SNX9: variants seen among roughly 807,000 people sequenced by gnomAD.
SNX9 encodes sorting nexin 9.
Under a neutral mutation model 89.4 loss-of-function variants are expected in SNX9, and 44 were observed. That is an observed-to-expected ratio of 0.49 (90% CI 0.39 to 0.63). The LOEUF is 0.63. Ranked by LOEUF, SNX9 falls within the 30% of genes least tolerant of loss-of-function variation. SNX9 has a pLI of 0.00. For missense variants in SNX9, 578 were observed against 736.1 expected (o/e 0.79, Z 2.49); for synonymous variants, 236 against 247.8 (o/e 0.95, Z 0.45).
chr6:157,825,875 A>T (rs931913424), intron 1 of SNX9, among the ~76,000 whole-genome samples: 15 of 152,230 alleles, frequency 9.9e-5, no homozygotes, highest in Non-Finnish European at 2.1e-4. Flanking sequence ...GTCTTCTTCA[A>T]GGGGTGGGGA....
chr6:157,904,124 T>C (rs1452727290), intron 6 of SNX9, among the ~76,000 whole-genome samples: 1 of 152,180 alleles, frequency 6.6e-6, no homozygotes, highest in Non-Finnish European at 1.5e-5. Context: ...TGAAATTAAA[T>C]ATACTTGAGC....
In SNX9 at chr6:157,943,704, G is replaced by A. The variant is rs1037400140; in HGVS notation, c.*866G>A. On this transcript the variant is annotated 3_prime_UTR_variant, in exon 18 of 18. Coordinates refer to ENST00000392185, the MANE Select transcript of SNX9 (RefSeq NM_016224.5). ...TCCAACGGGTGAGTGGCTGTGCGGA[G>A]GCCTGTGTTCGGGAGGGCCTGGGAG... 1 of 152,610 alleles carries A rather than the reference G, an allele frequency of 6.6e-6. No individual in the cohort carries two copies. The highest frequency in any genetic ancestry group is 1.5e-5 in the Non-Finnish European group (1 of 68,352). The allele number at this position is 152,610 out of a possible 1,614,324, so 9.5% of individuals were successfully genotyped here. A position where few individuals can be genotyped will look rare whatever the true frequency, so the allele number is the denominator to read the frequency against.
chr6:157,916,329 C>T (rs112781647), intron 9 of SNX9, among the ~76,000 whole-genome samples: 2,296 of 152,246 alleles, frequency 0.015, 64 homozygotes, highest in African/African-American at 0.052. Context: ...CCACCGTGCC[C>T]GGCCCTCTTT....
intron 2 of SNX9, among the ~76,000 whole-genome samples, chr6:157,871,410 G>C (rs1035932950): frequency 5.9e-5 from 9 of 151,982 alleles, no homozygotes; most frequent in African/African-American, 1.7e-4. Flanking sequence ...GGTAGAAAAA[G>C]ATTATGTAGT....
intron 1 of SNX9, among the ~76,000 whole-genome samples, chr6:157,843,052 T>C (rs550888033): frequency 6.6e-6 from 1 of 152,144 alleles, no homozygotes; most frequent in East Asian, 1.9e-4. Context: ...ACAAGCAAGA[T>C]AGAGTTGGTT....
intron 1 of SNX9, among the ~76,000 whole-genome samples, chr6:157,836,338 CA>C (rs1245538300): frequency 2.6e-5 from 4 of 152,144 alleles, no homozygotes; most frequent in African/African-American, 9.7e-5. Flanking sequence ...ATTTTTTTCT[CA>C]AACTCCCCTC....
At chr6:157,866,576 AAAAT>A (rs1281519996) in intron 1 of SNX9, among the ~76,000 whole-genome samples, 2 of 152,168 alleles carry the variant, frequency 1.3e-5, no homozygotes, top group Admixed American at 6.5e-5. Flanking sequence ...TCTGTCTGGA[AAAAT>A]AAATAAATAA....
chr6:157,910,240 A>G (rs147657692), intron 9 of SNX9, among the ~76,000 whole-genome samples: 10 of 152,360 alleles, frequency 6.6e-5, no homozygotes, highest in African/African-American at 2.4e-4. Flanking sequence ...TTTAATGTGC[A>G]AATCACAGGT....
At chr6:157,887,538 G>T (rs1218639663) in intron 4 of SNX9, among the ~76,000 whole-genome samples, 1 of 152,090 alleles carries the variant, frequency 6.6e-6, no homozygotes, top group Non-Finnish European at 1.5e-5. Context: ...TTCCATGCCT[G>T]CTCCGTGTCC....
At position 157,908,287 on chromosome 6, in the gene SNX9, T is replaced by G. The variant is rs1477648921; in HGVS notation, c.706-1378T>G. ...AAACCTGTTCCATAAATTATTTCATTCTCCTTGAATCTCTGAATGAATCTC... is the reference window on the plus strand; with the variant it reads ...AAACCTGTTCCATAAATTATTTCATGCTCCTTGAATCTCTGAATGAATCTC... On this transcript the variant is annotated intron_variant, in intron 7 of 17. Transcript: ENST00000392185. Among the ~76,000 whole-genome samples, 4 of 152,328 alleles carry G rather than the reference T, an allele frequency of 2.6e-5. No homozygotes were observed. The East Asian group carries it at 5.8e-4, about 22-fold the overall frequency.
chr6:157,846,704 A>G (rs1274887819), intron 1 of SNX9, among the ~76,000 whole-genome samples: 1 of 152,160 alleles, frequency 6.6e-6, no homozygotes, highest in East Asian at 1.9e-4. Flanking sequence ...AGTGTCTTTC[A>G]CCTTACACAA....
chr6:157,908,026 G>T (rs1161813824), intron 7 of SNX9, among the ~76,000 whole-genome samples: 1 of 151,994 alleles, frequency 6.6e-6, no homozygotes, highest in African/African-American at 2.4e-5. Flanking sequence ...CTTGGAGTAG[G>T]TCACCTTCCT....
At chr6:157,910,938 G>T (rs150452969) in intron 9 of SNX9, among the ~76,000 whole-genome samples, 2 of 151,958 alleles carry the variant, frequency 1.3e-5, no homozygotes, top group East Asian at 3.9e-4. Context: ...AGGCTAACAC[G>T]GTGTAACCCT....
At chr6:157,913,448 G>A (rs1012948063) in intron 9 of SNX9, among the ~76,000 whole-genome samples, 2 of 149,650 alleles carry the variant, frequency 1.3e-5, no homozygotes, top group African/African-American at 2.5e-5. Context: ...ATAGGTGCAC[G>A]CCACCATTGC....
chr6:157,857,079 A>T (rs1483461215), intron 1 of SNX9, among the ~76,000 whole-genome samples: 1 of 152,220 alleles, frequency 6.6e-6, no homozygotes, highest in African/African-American at 2.4e-5. Flanking sequence ...GTCAAAATGA[A>T]TTCATTTCCT....
chr6:157,912,367 G>A (rs1783365708), intron 9 of SNX9, among the ~76,000 whole-genome samples: 1 of 152,118 alleles, frequency 6.6e-6, no homozygotes, highest in African/African-American at 2.4e-5. Context: ...ATAATTCAGT[G>A]CTCTTTTAAA....
At chr6:157,883,933 A>G (rs1204727628) in intron 4 of SNX9, among the ~76,000 whole-genome samples, 1 of 152,220 alleles carries the variant, frequency 6.6e-6, no homozygotes, top group Non-Finnish European at 1.5e-5. Context: ...GTGACCTATA[A>G]GAGACTTTGT....
chr6:157,869,860 C>T (rs934381917), intron 2 of SNX9, among the ~76,000 whole-genome samples: 2 of 152,130 alleles, frequency 1.3e-5, no homozygotes, highest in African/African-American at 4.8e-5. Context: ...CCCACACACA[C>T]TCGCACACAC....
chr6:157,931,640 T>C (rs554093255), intron 12 of SNX9, among the ~76,000 whole-genome samples: 1 of 152,358 alleles, frequency 6.6e-6, no homozygotes, highest in East Asian at 1.9e-4. Context: ...GAAGTCTGAC[T>C]GTTGTATTTT....
Sources: gnomAD v4.1 joint callset for allele counts (sites outside exome capture counted in the v4.1 genomes callset) on GRCh38, gnomAD v4.1.1 for gene constraint, MANE v1.5 for transcripts, NCBI Gene and HGNC (gene_info 2026-07-23, HGNC 2026-07-21) for gene names.